The following FAF1 variants were observed in gnomAD, a reference collection of about 807,000 sequenced individuals.
FAF1 encodes FAS-associated factor 1.
In FAF1, 25 loss-of-function variants were observed where a neutral mutation model predicts 92.5. That is an observed-to-expected ratio of 0.27 (90% CI 0.20 to 0.38). The LOEUF (loss-of-function observed/expected upper bound fraction) is 0.38, where lower values mean the gene tolerates loss of function less well. Among genes scored for constraint, FAF1 ranks in the 10% least tolerant of loss-of-function variants. The pLI, the probability that FAF1 is intolerant of heterozygous loss-of-function variation, is 1.00. For missense variants in FAF1, 636 were observed against 793.3 expected (o/e 0.80, Z 2.38); for synonymous variants, 234 against 273.2 (o/e 0.86, Z 1.42).
chr1:50,715,270 A>G (rs1214976538), intron 6 of FAF1, among the ~76,000 whole-genome samples: 1 of 152,166 alleles, frequency 6.6e-6, no homozygotes, highest in East Asian at 1.9e-4. Context: ...ATCACCTTAT[A>G]ATTTTTCTAT....
chr1:50,493,612 A>AC (rs2149010759), intron 15 of FAF1, among the ~76,000 whole-genome samples: 1 of 152,254 alleles, frequency 6.6e-6, no homozygotes, highest in Non-Finnish European at 1.5e-5. Context: ...ATGCTAAACT[A>AC]CCCCATGACA....
chr1:50,659,293 AAG>A (rs1486555470), intron 7 of FAF1, among the ~76,000 whole-genome samples: 1 of 151,844 alleles, frequency 6.6e-6, no homozygotes, highest in Non-Finnish European at 1.5e-5. Flanking sequence ...AAAAGGAGGA[AAG>A]AGAAGAGAGG....
chr1:50,854,619 T>G (rs998064941), intron 2 of FAF1, among the ~76,000 whole-genome samples: 11 of 151,942 alleles, frequency 7.2e-5, no homozygotes, highest in Non-Finnish European at 8.8e-5. Flanking sequence ...TGTAGAGTAC[T>G]TAAAACATAG....
chr1:50,954,041 C>T (rs1452853065), intron 1 of FAF1, among the ~76,000 whole-genome samples: 4 of 151,844 alleles, frequency 2.6e-5, no homozygotes, highest in South Asian at 2.1e-4. Flanking sequence ...CTCTGCCTCC[C>T]GGGTTTATGC....
intron 8 of FAF1, among the ~76,000 whole-genome samples, chr1:50,653,647 C>T (rs1654967492): frequency 6.6e-6 from 1 of 152,090 alleles, no homozygotes; most frequent in African/African-American, 2.4e-5. Flanking sequence ...AGGCTGGTCA[C>T]CTTAGGTCAG....
intron 13 of FAF1, among the ~76,000 whole-genome samples, chr1:50,550,186 T>C (rs982568377): frequency 1.7e-4 from 25 of 151,278 alleles, no homozygotes; most frequent in African/African-American, 6.1e-4. Context: ...CCCTCTCTAC[T>C]AAAAATACAA....
intron 1 of FAF1, among the ~76,000 whole-genome samples, chr1:50,955,993 G>A (rs1645263673): frequency 6.6e-6 from 1 of 152,124 alleles, no homozygotes; most frequent in African/African-American, 2.4e-5. Flanking sequence ...TGAGGAGAGA[G>A]GGATATAAGG....
At chr1:50,833,543 C>T (rs190021408) in intron 2 of FAF1, among the ~76,000 whole-genome samples, 31 of 152,190 alleles carry the variant, frequency 2.0e-4, no homozygotes, top group African/African-American at 7.0e-4. Context: ...TACATAGGCA[C>T]AATTGATTAT....
At chr1:50,509,943 G>A (rs918911185) in intron 15 of FAF1, among the ~76,000 whole-genome samples, 3 of 151,950 alleles carry the variant, frequency 2.0e-5, no homozygotes, top group African/African-American at 4.8e-5. Flanking sequence ...CGAGTTGGGC[G>A]GATTGCCTGA....
Position 50,748,543 on chromosome 1 carries a change from A to C in FAF1, c.368-3768T>G, listed in dbSNP as rs142225020. Among the ~76,000 whole-genome samples the C allele has an allele frequency of 3.7e-3, 565 of 152,194 alleles. 3 individuals are homozygous for C. The highest frequency in any genetic ancestry group is 0.013 in the African/African-American group (548 of 41,546). On this transcript the variant is annotated intron_variant, in intron 4 of 18. Transcript: ENST00000396153. The stretch of plus-strand genomic sequence containing the variant: ...AAGAAAAATGACTGAAAGGTAAAAA[A>C]GCAAAAATAGACATGATGCTAATGA...
At chr1:50,697,821 A>G (rs780875335) in intron 7 of FAF1, among the ~76,000 whole-genome samples, 1 of 152,208 alleles carries the variant, frequency 6.6e-6, no homozygotes, top group Non-Finnish European at 1.5e-5. Flanking sequence ...TAATAGGAGT[A>G]CATTGAGGGT....
chr1:50,752,386 C>T (rs1659903294), intron 4 of FAF1, among the ~76,000 whole-genome samples: 1 of 152,058 alleles, frequency 6.6e-6, no homozygotes, highest in Non-Finnish European at 1.5e-5. Context: ...ATTTTTCTAA[C>T]CTTTTAGAGT....
At chr1:50,755,853 T>A (rs1412637930) in intron 4 of FAF1, among the ~76,000 whole-genome samples, 1 of 152,208 alleles carries the variant, frequency 6.6e-6, no homozygotes, top group Non-Finnish European at 1.5e-5. Context: ...AGCTCTGCAT[T>A]GACTCCTTTC....
intron 8 of FAF1, among the ~76,000 whole-genome samples, chr1:50,617,788 G>C (rs1001907503): frequency 1.3e-5 from 2 of 150,592 alleles, no homozygotes; most frequent in Non-Finnish European, 1.5e-5. Context: ...ATCTGGTCCA[G>C]TGCTTTTTTT....
At chr1:50,747,339 T>C (rs981633359) in intron 4 of FAF1, among the ~76,000 whole-genome samples, 5 of 152,206 alleles carry the variant, frequency 3.3e-5, no homozygotes, top group Non-Finnish European at 5.9e-5. Context: ...CCTTGCATCA[T>C]TGTACCCTGG....
chr1:50,529,337 A>T (rs1354261305), intron 15 of FAF1, among the ~76,000 whole-genome samples: 4 of 152,312 alleles, frequency 2.6e-5, no homozygotes, highest in African/African-American at 9.6e-5. Context: ...CAGATGTCAG[A>T]GTCAAACACC....
Position 50,567,170 on chromosome 1 carries a change from GAGC to G in FAF1, c.1172_1174del (p.Cys391del). The G allele has an allele frequency of 6.2e-7, 1 of 1,610,948 alleles. No homozygotes were observed. ...AATGGATTCAGCACAAAGCATTTGT[GAGC>G]AGAACACGTTGGTTAACACACTTTC... On this transcript the variant is annotated inframe_deletion, in exon 13 of 19. Transcript: ENST00000396153.
At chr1:50,775,689 G>A (rs1052233863) in intron 4 of FAF1, among the ~76,000 whole-genome samples, 3 of 151,642 alleles carry the variant, frequency 2.0e-5, no homozygotes, top group Admixed American at 6.6e-5. Context: ...AGAAAGAAAC[G>A]AACATATGGA....
At chr1:50,646,773 T>G (rs1654607938) in intron 8 of FAF1, among the ~76,000 whole-genome samples, 1 of 152,202 alleles carries the variant, frequency 6.6e-6, no homozygotes, top group Non-Finnish European at 1.5e-5. Context: ...TCATTGCAAC[T>G]TTAAGGGCCA....
Sources: gnomAD v4.1 joint callset for allele counts (sites outside exome capture counted in the v4.1 genomes callset) on GRCh38, gnomAD v4.1.1 for gene constraint, MANE v1.5 for transcripts, NCBI Gene and HGNC (gene_info 2026-07-23, HGNC 2026-07-21) for gene names.